The following PCMT1 variants were observed in gnomAD, a reference collection of about 807,000 sequenced individuals.
PCMT1 encodes the protein protein-L-isoaspartate(D-aspartate) O-methyltransferase.
PCMT1 carries 9 observed loss-of-function variants against 29.2 expected under a neutral mutation model. That is an observed-to-expected ratio of 0.31 (90% CI 0.19 to 0.54). The LOEUF (loss-of-function observed/expected upper bound fraction) is 0.54. Ranked by LOEUF, PCMT1 falls within the 20% of genes least tolerant of loss-of-function variation. The pLI, the probability that PCMT1 is intolerant of heterozygous loss-of-function variation, is 0.95. For synonymous variants in PCMT1, 98 were observed against 97.5 expected, an observed-to-expected ratio of 1.00 and a Z score of -0.03; for missense variants, 184 against 282.2, an observed-to-expected ratio of 0.65 and a Z score of 2.49.
intron 7 of PCMT1, among the ~76,000 whole-genome samples, chr6:149,809,753 A>G (rs1476104769): frequency 6.6e-6 from 1 of 152,160 alleles, no homozygotes; most frequent in Admixed American, 6.5e-5. Flanking sequence ...ATCCAGAGTC[A>G]TCAATTATTA....
chr6:149,791,957 C>T (rs1014765028), intron 4 of PCMT1, among the ~76,000 whole-genome samples: 2 of 152,174 alleles, frequency 1.3e-5, no homozygotes, highest in East Asian at 3.9e-4. Flanking sequence ...AAGTGCTACC[C>T]CATTTTTATG....
chr6:149,793,107 G>T (rs981735111), intron 4 of PCMT1, among the ~76,000 whole-genome samples: 1 of 151,378 alleles, frequency 6.6e-6, no homozygotes, highest in African/African-American at 2.4e-5. Flanking sequence ...AGGTTGCAGT[G>T]AGCTGAGATC....
At chr6:149,786,795 A>G (rs1562415281) in intron 3 of PCMT1, among the ~76,000 whole-genome samples, 1 of 138,054 alleles carries the variant, frequency 7.2e-6, no homozygotes, top group Non-Finnish European at 1.5e-5. Flanking sequence ...CCTAGATGGG[A>G]TGGTGGCCGG....
chr6:149,790,516 C>CTTTTTTTTTTTTTTTTTTTTTTTT (rs80356200), intron 4 of PCMT1, among the ~76,000 whole-genome samples: 1 of 137,242 alleles, frequency 7.3e-6, no homozygotes. Flanking sequence ...GTTTTCTTTT[C>CTTTTTTTTTTTTTTTTTTTTTTTT]TTTTTTTTTT....
At position 149,811,366 on chromosome 6, in the gene PCMT1, C is replaced by A. The variant is rs563861446; in HGVS notation, c.*788C>A. On this transcript the variant is annotated 3_prime_UTR_variant, in exon 8 of 8. Transcript: ENST00000464889. The stretch of plus-strand genomic sequence containing the variant: ...ATGCTGTGTAAGCTGTGTCCTAGTT[C>A]TTGAACAGTTTATGCAGTGCTGCTT... The A allele has an allele frequency of 6.5e-6, 1 of 152,696 alleles. No individual in the cohort carries two copies. The highest frequency in any genetic ancestry group is 2.4e-5 in the African/African-American group (1 of 41,552). 9.5% of individuals were successfully genotyped at this position (152,696 alleles called of 1,614,324 possible). A position where few individuals can be genotyped will look rare whatever the true frequency, so the allele number is the denominator to read the frequency against.
intron 3 of PCMT1, among the ~76,000 whole-genome samples, chr6:149,779,991 T>G (rs1195111160): frequency 2.0e-5 from 3 of 152,110 alleles, no homozygotes; most frequent in Non-Finnish European, 4.4e-5. Context: ...GCATAGCAGT[T>G]ACTTCATGGC....
At chr6:149,770,248 T>C (rs146315850) in intron 1 of PCMT1, among the ~76,000 whole-genome samples, 4 of 152,298 alleles carry the variant, frequency 2.6e-5, no homozygotes, top group African/African-American at 9.6e-5. Context: ...CCCCTAACTT[T>C]TTACCCCTTA....
intron 1 of PCMT1, among the ~76,000 whole-genome samples, chr6:149,770,193 T>G (rs992310594): frequency 1.3e-5 from 2 of 152,192 alleles, no homozygotes; most frequent in Non-Finnish European, 2.9e-5. Context: ...TCCAGATCCA[T>G]GTGTCCAGCT....
chr6:149,755,338 G>A (rs1786465962), intron 1 of PCMT1, among the ~76,000 whole-genome samples: 1 of 151,996 alleles, frequency 6.6e-6, no homozygotes, highest in Admixed American at 6.6e-5. Context: ...GAGATGGGAG[G>A]ATCACTTGAG....
intron 1 of PCMT1, 52 bp downstream of exon 1, chr6:149,750,008 A>C: frequency 3.2e-6 from 5 of 1,568,702 alleles, no homozygotes; most frequent in Non-Finnish European, 4.3e-6. Context: ...CTGGGCCTGG[A>C]CCGGGTCCCC....
At position 149,761,197 on chromosome 6, in the gene PCMT1, A is replaced by G. The variant is rs576370510; in HGVS notation, c.56-9965A>G. ...ATGAAATACACACACACACACACAT[A>G]AAATTTTATCACTATGAAAGTAAAG... is the stretch of plus-strand genomic sequence containing the variant. On this transcript the variant is annotated intron_variant, in intron 1 of 7. Transcript: ENST00000464889. Among the ~76,000 whole-genome samples, 17 of 151,868 alleles carry G rather than the reference A, an allele frequency of 1.1e-4. No homozygotes were observed. In the South Asian group the frequency reaches 2.9e-3, roughly 26 times the overall value.
At chr6:149,756,377 C>T (rs1006290890) in intron 1 of PCMT1, among the ~76,000 whole-genome samples, 1 of 150,512 alleles carries the variant, frequency 6.6e-6, no homozygotes. Context: ...GAGACAGAGC[C>T]TCTTTCTGTC....
rs1363995443 is a variant in PCMT1 at position 149,749,901 on chromosome 6, G to T, written c.-1G>T. ...TGTACCTGCTCCGAGTGTGCTTAGCGATGGCCTGGAAATCCGGCGGCGCCA... is the reference window on the plus strand; with the variant it reads ...TGTACCTGCTCCGAGTGTGCTTAGCTATGGCCTGGAAATCCGGCGGCGCCA... On this transcript the variant is annotated 5_prime_UTR_variant, in exon 1 of 8. Coordinates refer to ENST00000464889, the MANE Select transcript of PCMT1 (RefSeq NM_001360452.2). 8.7e-6 allele frequency: 14 copies of T among 1,608,710 alleles called. No individual in the cohort carries two copies. The highest frequency in any genetic ancestry group is 1.3e-5 in the African/African-American group (1 of 74,978).
At chr6:149,791,981 C>T (rs1341236556) in intron 4 of PCMT1, among the ~76,000 whole-genome samples, 1 of 152,138 alleles carries the variant, frequency 6.6e-6, no homozygotes, top group Non-Finnish European at 1.5e-5. Flanking sequence ...GGGTTTATGC[C>T]TTTTTCCTCC....
chr6:149,783,380 C>G (rs1330518744), intron 3 of PCMT1, among the ~76,000 whole-genome samples: 2 of 152,124 alleles, frequency 1.3e-5, no homozygotes, highest in African/African-American at 2.4e-5. Flanking sequence ...ATCTGCCCAC[C>G]TCAGCCTCCC....
At chr6:149,750,082 GC>G in intron 1 of PCMT1, 126 bp downstream of exon 1, 1 of 1,332,166 alleles carries the variant, frequency 7.5e-7, no homozygotes, top group South Asian at 1.5e-5. Context: ...GCGCAGAGTT[GC>G]CCCGGTAGTC....
chr6:149,751,326 A>C (rs1786307398), intron 1 of PCMT1, among the ~76,000 whole-genome samples: 1 of 152,080 alleles, frequency 6.6e-6, no homozygotes, highest in Non-Finnish European at 1.5e-5. Flanking sequence ...CTCAAAAAAA[A>C]AATTTTTTTT....
intron 6 of PCMT1, among the ~76,000 whole-genome samples, chr6:149,799,934 G>A (rs1311708135): frequency 6.6e-6 from 1 of 152,194 alleles, no homozygotes; most frequent in Non-Finnish European, 1.5e-5. Flanking sequence ...GAAGCAAAAT[G>A]TAGATTAAGG....
chr6:149,751,498 T>TA lies in PCMT1; in HGVS notation c.55+1542_55+1543insA, dbSNP rs1554250238. On this transcript the variant is annotated intron_variant, in intron 1 of 7. Transcript: ENST00000464889. Reference sequence around the variant, plus strand: ...GTACTTTTTTTTTTTTTTTTTTTTTTTGAGACAGAGACTCCCTCTGTAGCC... The same window carrying TA: ...GTACTTTTTTTTTTTTTTTTTTTTTTATGAGACAGAGACTCCCTCTGTAGCC... Among the ~76,000 whole-genome samples, 55 of 144,636 alleles carry TA rather than the reference T, an allele frequency of 3.8e-4. 1 individual carries two copies. Among genetic ancestry groups the TA allele is most frequent in the African/African-American group, 1.2e-3 (48 of 39,622 alleles). 94.9% of individuals were successfully genotyped at this position (144,636 alleles called of 152,430 possible).
Sources: allele counts gnomAD v4.1 joint callset (sites outside exome capture counted in the v4.1 genomes callset), GRCh38; gene constraint gnomAD v4.1.1; transcripts MANE v1.5; gene names NCBI Gene and HGNC (gene_info 2026-07-23, HGNC 2026-07-21).